The following C12orf42 variants were observed in gnomAD, a reference collection of about 807,000 sequenced individuals.
C12orf42 encodes chromosome 12 open reading frame 42, also known as uncharacterized protein C12orf42.
C12orf42 carries 25 observed loss-of-function variants against 21.6 expected under a neutral mutation model. The ratio of observed to expected loss-of-function variants is 1.16; its 90% CI spans 0.84 to 1.62. The LOEUF is 1.62. Among genes scored for constraint, C12orf42 ranks in the 40% most tolerant of loss-of-function variants. The pLI is 0.00. For synonymous variants in C12orf42, 174 were observed against 175.0 expected, an observed-to-expected ratio of 0.99 and a Z score of 0.05; for missense variants, 483 against 459.3, an observed-to-expected ratio of 1.05 and a Z score of -0.47.
At chr12:103,272,620 G>A (rs1366562218) in intron 5 of C12orf42, among the ~76,000 whole-genome samples, 1 of 152,190 alleles carries the variant, frequency 6.6e-6, no homozygotes, top group Non-Finnish European at 1.5e-5. Flanking sequence ...AGAGATGATA[G>A]TGGGTTTCTT....
intron 4 of C12orf42, among the ~76,000 whole-genome samples, chr12:103,316,268 A>T (rs2039488289): frequency 6.6e-6 from 1 of 152,002 alleles, no homozygotes; most frequent in East Asian, 1.9e-4. Context: ...TCTCATCAGA[A>T]ATCATGAGAG....
chr12:103,344,319 G>C (rs1022854532), intron 4 of C12orf42, among the ~76,000 whole-genome samples: 1 of 152,174 alleles, frequency 6.6e-6, no homozygotes, highest in Non-Finnish European at 1.5e-5. Context: ...TGGTCATGTG[G>C]ATGACAGAGG....
the C12orf42 span, among the ~76,000 whole-genome samples, chr12:103,078,198 A>C: frequency 2.0e-5 from 3 of 152,204 alleles, no homozygotes; most frequent in East Asian, 5.8e-4. Context: ...GGAACTTTGC[A>C]TATGTTGACT....
chr12:103,328,598 A>G (rs747912622), intron 4 of C12orf42, among the ~76,000 whole-genome samples: 3 of 152,164 alleles, frequency 2.0e-5, no homozygotes, highest in Non-Finnish European at 2.9e-5. Context: ...CCAAAACTCA[A>G]TCCTTTCCAC....
chr12:103,063,533 C>A, the C12orf42 span, among the ~76,000 whole-genome samples: 1 of 152,208 alleles, frequency 6.6e-6, no homozygotes, highest in Non-Finnish European at 1.5e-5. Flanking sequence ...GTAGTGACAA[C>A]ATCCCCTCCC....
chr12:103,146,988 A>T, the C12orf42 span, among the ~76,000 whole-genome samples: 1,073 of 152,270 alleles, frequency 7.0e-3, 19 homozygotes, highest in African/African-American at 0.024. Context: ...CCATGGAAGA[A>T]CTCAGTAGAT....
chr12:103,361,622 A>G (rs1203822758), intron 4 of C12orf42, among the ~76,000 whole-genome samples: 1 of 152,064 alleles, frequency 6.6e-6, no homozygotes, highest in East Asian at 1.9e-4. Flanking sequence ...GTCCAGGGAA[A>G]GTTCTCAGCC....
chr12:103,204,814 G>A, the C12orf42 span, among the ~76,000 whole-genome samples: 1 of 151,850 alleles, frequency 6.6e-6, no homozygotes, highest in Non-Finnish European at 1.5e-5. Context: ...GGGACATGAA[G>A]AAGAAGATGA....
chr12:103,496,802 T>G (rs1955564726), upstream of C12orf42, among the ~76,000 whole-genome samples: 1 of 83,522 alleles, frequency 1.2e-5, no homozygotes, highest in Non-Finnish European at 2.4e-5. Context: ...ATCTAAAATA[T>G]TTCTAGCCGG....
chr12:103,434,413 AG>A (rs966728318), intron 2 of C12orf42, among the ~76,000 whole-genome samples: 1 of 151,006 alleles, frequency 6.6e-6, no homozygotes, highest in African/African-American at 2.4e-5. Flanking sequence ...ATGGCCGAAT[AG>A]GAACAGCTCC....
chr12:103,497,521 C>G (rs1399313674), upstream of C12orf42, among the ~76,000 whole-genome samples: 1 of 152,186 alleles, frequency 6.6e-6, no homozygotes, highest in African/African-American at 2.4e-5. Flanking sequence ...TTAACCCCAA[C>G]AATATCACAG....
the C12orf42 span, among the ~76,000 whole-genome samples, chr12:103,544,320 A>C: frequency 6.6e-6 from 1 of 152,226 alleles, no homozygotes. Context: ...TTCTCTGTAC[A>C]TTAACAAACT....
the C12orf42 span, among the ~76,000 whole-genome samples, chr12:103,184,554 G>A: frequency 2.6e-5 from 4 of 152,210 alleles, no homozygotes; most frequent in South Asian, 8.3e-4. Flanking sequence ...CTATAGATGA[G>A]GGTGGGGAAT....
At chr12:103,192,700 T>C in the C12orf42 span, among the ~76,000 whole-genome samples, 1 of 152,114 alleles carries the variant, frequency 6.6e-6, no homozygotes, top group Non-Finnish European at 1.5e-5. Flanking sequence ...AGGATAAAAC[T>C]ATCAATATAT....
chr12:103,529,233 C>T, the C12orf42 span, among the ~76,000 whole-genome samples: 28 of 152,304 alleles, frequency 1.8e-4, no homozygotes, highest in Non-Finnish European at 2.5e-4. Context: ...TTTGTGTTCA[C>T]TTATTTTACT....
At chr12:103,559,566 C>T in the C12orf42 span, 2 of 152,190 alleles carry the variant, frequency 1.3e-5, no homozygotes, top group African/African-American at 2.4e-5. Context: ...GTGTTTAAGG[C>T]AGAGAAAACA....
At chr12:103,239,863 C>T (rs1168621045) in intron 10 of C12orf42, among the ~76,000 whole-genome samples, 5 of 152,148 alleles carry the variant, frequency 3.3e-5, no homozygotes, top group Non-Finnish European at 7.4e-5. Context: ...GAACTAGAGA[C>T]AAAGTGCTCC....
chr12:103,465,089 T>C (rs1252439527), intron 2 of C12orf42, among the ~76,000 whole-genome samples: 1 of 152,228 alleles, frequency 6.6e-6, no homozygotes, highest in Admixed American at 6.5e-5. Flanking sequence ...TACGAGCTCT[T>C]TCTTGGTTCC....
intron 10 of C12orf42, among the ~76,000 whole-genome samples, chr12:103,258,615 A>G (rs1241460820): frequency 3.3e-5 from 5 of 152,100 alleles, no homozygotes; most frequent in Middle Eastern, 3.4e-3. Flanking sequence ...TATACAAACC[A>G]TTAGAACTAA....
Sources: gnomAD v4.1 joint callset for allele counts (sites outside exome capture counted in the v4.1 genomes callset) on GRCh38, gnomAD v4.1.1 for gene constraint, MANE v1.5 for transcripts, NCBI Gene and HGNC (gene_info 2026-07-23, HGNC 2026-07-21) for gene names.